The following SVBP variants were observed in gnomAD, a reference collection of about 807,000 sequenced individuals.
SVBP encodes the protein small vasohibin-binding protein.
Under a neutral mutation model 9.2 loss-of-function variants are expected in SVBP, and 9 were observed. The observed-to-expected ratio is 0.98, with a 90% CI of 0.59 to 1.71. The LOEUF is 1.71. SVBP is among the 40% of genes most tolerant of loss of function. The pLI is 0.00. For synonymous variants in SVBP, 27 were observed against 23.9 expected (o/e 1.13, Z -0.37); for missense variants, 63 against 73.2 (o/e 0.86, Z 0.51).
chr1:42,810,703 A>C (rs577331040), intron 2 of SVBP, among the ~76,000 whole-genome samples: 1 of 152,180 alleles, frequency 6.6e-6, no homozygotes, highest in African/African-American at 2.4e-5. Flanking sequence ...TTCCACTGCC[A>C]ATGTGCCTTC....
intron 2 of SVBP, among the ~76,000 whole-genome samples, chr1:42,810,017 T>A (rs1654044297): frequency 6.6e-6 from 1 of 151,984 alleles, no homozygotes; most frequent in Admixed American, 6.6e-5. Context: ...TACACAAAGC[T>A]TCCCAGTTAC....
At chr1:42,816,769 T>C in intron 1 of SVBP, 189 bp from the exon 2 acceptor site, 1 of 506,868 alleles carries the variant, frequency 2.0e-6, no homozygotes, top group Non-Finnish European at 3.5e-6. Flanking sequence ...TGGGTGTCCC[T>C]GGGCAAGTCT....
chr1:42,814,662 A>T (rs1654160962), intron 2 of SVBP, among the ~76,000 whole-genome samples: 1 of 152,126 alleles, frequency 6.6e-6, no homozygotes, highest in Non-Finnish European at 1.5e-5. Context: ...TCAAAACCAC[A>T]ATGAGATACC....
chr1:42,815,192 G>A (rs1654170902), intron 2 of SVBP, among the ~76,000 whole-genome samples: 1 of 137,262 alleles, frequency 7.3e-6, no homozygotes, highest in African/African-American at 2.7e-5. Context: ...CACAGGAAGG[G>A]GAACATCACA....
chr1:42,813,135 T>C (rs574241834), intron 2 of SVBP, among the ~76,000 whole-genome samples: 1 of 152,326 alleles, frequency 6.6e-6, no homozygotes, highest in South Asian at 2.1e-4. Flanking sequence ...AAAAGCCATT[T>C]GAAAGTACTG....
chr1:42,817,190 C>T lies in SVBP; in HGVS notation c.-37G>A, dbSNP rs1654245996. ...GACCAAGAGGCTTGGGAGTCTGTAC[C>T]TTTCCCGACCGGGCCACTGGAAGTT... is the stretch of plus-strand genomic sequence containing the variant. On this transcript the variant is annotated splice_region_variant and 5_prime_UTR_variant, in exon 1 of 3. Coordinates refer to ENST00000372521, the MANE Select transcript of SVBP (RefSeq NM_199342.4). 1 of 1,250,346 alleles carries T rather than the reference C, an allele frequency of 8.0e-7. No homozygotes were observed. The highest frequency in any genetic ancestry group is 1.3e-5 in the South Asian group (1 of 76,760). The allele number at this position is 1,250,346 out of a possible 1,614,324, so 77.5% of individuals were successfully genotyped here. A position where few individuals can be genotyped will look rare whatever the true frequency, so the allele number is the denominator to read the frequency against.
chr1:42,808,071 A>G (rs1363850739), intron 2 of SVBP, among the ~76,000 whole-genome samples: 2 of 147,858 alleles, frequency 1.4e-5, no homozygotes, highest in Non-Finnish European at 3.0e-5. Flanking sequence ...AGGAATCTGG[A>G]TTTTATCTGG....
chr1:42,810,548 C>A (rs1654062638), intron 2 of SVBP, among the ~76,000 whole-genome samples: 1 of 152,016 alleles, frequency 6.6e-6, no homozygotes, highest in African/African-American at 2.4e-5. Context: ...GACTGAGATG[C>A]AAATTAAATA....
rs1028074623 is a variant in SVBP at position 42,813,642 on chromosome 1, C to T, written c.114+2789G>A. 14 of 528,646 alleles carry T rather than the reference C, an allele frequency of 2.6e-5. No individual in the cohort carries two copies. The East Asian group carries it at 7.6e-4, about 29-fold the overall frequency. 32.7% of individuals were successfully genotyped at this position (528,646 alleles called of 1,614,324 possible). On this transcript the variant is annotated intron_variant, in intron 2 of 2. Transcript: ENST00000372521. ...TGTGAGGTAACCACATATGGGCTGGCAACTGGTTCTCCATTTCCCAGAGCA... is the reference window on the plus strand; with the variant it reads ...TGTGAGGTAACCACATATGGGCTGGTAACTGGTTCTCCATTTCCCAGAGCA...
intron 1 of SVBP, 108 bp downstream of exon 1, chr1:42,817,082 C>A (rs1654238455): frequency 1.4e-6 from 1 of 706,774 alleles, no homozygotes; most frequent in Admixed American, 5.3e-5. Flanking sequence ...GACCCCGCCC[C>A]GGCCCGCCCG....
rs1654272310 is a variant in SVBP at position 42,817,388 on chromosome 1, G to C, written c.-235C>G. ...GGCTTCCGCCCGCAGGAGCGGCCGC[G>C]CGTGCGCAGAGAGGATGGCTGGAAA... On this transcript the variant is annotated 5_prime_UTR_variant, in exon 1 of 3. Transcript: ENST00000372521. 6.5e-6 allele frequency: 3 copies of C among 463,680 alleles called. No individual in the cohort carries two copies. The African/African-American group carries it at 6.5e-5, about 10-fold the overall frequency. 28.7% of individuals were successfully genotyped at this position (463,680 alleles called of 1,614,324 possible).
intron 2 of SVBP, among the ~76,000 whole-genome samples, chr1:42,812,326 T>C (rs925226670): frequency 2.0e-5 from 3 of 152,252 alleles, no homozygotes; most frequent in African/African-American, 7.2e-5. Context: ...GTGGATGCCA[T>C]GCAGAGCGAG....
intron 2 of SVBP, chr1:42,813,741 G>T (rs1461095944): frequency 7.5e-6 from 4 of 529,982 alleles, no homozygotes; most frequent in Non-Finnish European, 1.5e-5. Context: ...CCATTTCTCT[G>T]ATCAATGGTT....
Position 42,807,194 on chromosome 1 carries a change from C to A in SVBP, c.*220G>T. On this transcript the variant is annotated 3_prime_UTR_variant, in exon 3 of 3. Transcript: ENST00000372521. ...TAAAAAAACCCAAAAAACAAAACCA[C>A]TGTCTTAGAAGAAGAAAACAAGTCT... 10 of 315,178 alleles carry A rather than the reference C, an allele frequency of 3.2e-5. No individual in the cohort carries two copies. The highest frequency in any genetic ancestry group is 9.2e-5 in the East Asian group (2 of 21,628). The allele number at this position is 315,178 out of a possible 1,614,324, so 19.5% of individuals were successfully genotyped here. A position where few individuals can be genotyped will look rare whatever the true frequency, so the allele number is the denominator to read the frequency against.
At chr1:42,813,852 C>G (rs1258432424) in intron 2 of SVBP, 1 of 323,100 alleles carries the variant, frequency 3.1e-6, no homozygotes, top group Non-Finnish European at 6.3e-6. Context: ...TCTGAGGACC[C>G]GGATCCAGGT....
intron 2 of SVBP, among the ~76,000 whole-genome samples, chr1:42,814,961 A>G (rs1160121389): frequency 1.3e-5 from 2 of 152,146 alleles, no homozygotes; most frequent in African/African-American, 2.4e-5. Flanking sequence ...AAGACTTGGA[A>G]CCAACCCAAG....
intron 2 of SVBP, among the ~76,000 whole-genome samples, chr1:42,814,789 C>T (rs909658044): frequency 1.3e-5 from 2 of 152,110 alleles, no homozygotes; most frequent in African/African-American, 4.8e-5. Flanking sequence ...ACTAGTTCAA[C>T]CATTATGGAA....
At chr1:42,810,584 G>A (rs569201066) in intron 2 of SVBP, among the ~76,000 whole-genome samples, 2 of 152,242 alleles carry the variant, frequency 1.3e-5, no homozygotes, top group South Asian at 4.2e-4. Context: ...CCAGATCAAG[G>A]AGGCAAGATG....
At chr1:42,815,230 A>AG (rs1234995808) in intron 2 of SVBP, among the ~76,000 whole-genome samples, 24 of 80,592 alleles carry the variant, frequency 3.0e-4, no homozygotes, top group Non-Finnish European at 4.4e-4. Context: ...GGGTGGGGGG[A>AG]GGGGGGAGGG....
Sources: allele counts gnomAD v4.1 joint callset (sites outside exome capture counted in the v4.1 genomes callset), GRCh38; gene constraint gnomAD v4.1.1; transcripts MANE v1.5; gene names NCBI Gene and HGNC (gene_info 2026-07-23, HGNC 2026-07-21).